The following LINGO2 variants were observed in gnomAD, a reference collection of about 807,000 sequenced individuals.
The protein encoded by LINGO2 is leucine rich repeat and Ig domain containing 2, also known as leucine-rich repeat and immunoglobulin-like domain-containing nogo receptor-interacting protein 2.
Under a neutral mutation model 30.6 loss-of-function variants are expected in LINGO2, and 14 were observed. The ratio of observed to expected loss-of-function variants is 0.46; its 90% CI spans 0.30 to 0.72. The LOEUF is 0.72. Among genes scored for constraint, LINGO2 ranks in the 30% least tolerant of loss-of-function variants. LINGO2 has a pLI of 0.07. For missense variants in LINGO2, 729 were observed against 751.7 expected, an observed-to-expected ratio of 0.97 and a Z score of 0.35; for synonymous variants, 317 against 288.5, an observed-to-expected ratio of 1.10 and a Z score of -1.00.
chr9:29,032,149 T>C, the LINGO2 span, among the ~76,000 whole-genome samples: 1 of 152,162 alleles, frequency 6.6e-6, no homozygotes, highest in Non-Finnish European at 1.5e-5. Context: ...ATTTGGTCCA[T>C]AAACATGCTT....
chr9:28,141,597 T>C (rs1827673663), intron 4 of LINGO2, among the ~76,000 whole-genome samples: 1 of 152,246 alleles, frequency 6.6e-6, no homozygotes, highest in African/African-American at 2.4e-5. Flanking sequence ...CATTAGTCTA[T>C]GCCTGTAATG....
At chr9:28,226,634 GGAAAGAAGGAAAGAAAGAAAGAAA>G (rs200367108) in intron 4 of LINGO2, among the ~76,000 whole-genome samples, 3,631 of 82,670 alleles carry the variant, frequency 0.044, 74 homozygotes, top group East Asian at 0.11. Context: ...AAGGAAAGAA[GGAAAGAAGGAAAGAAAGAAAGAAA>G]GAAAGAAAGA....
chr9:28,789,089 A>G, the LINGO2 span, among the ~76,000 whole-genome samples: 2 of 152,314 alleles, frequency 1.3e-5, no homozygotes, highest in East Asian at 3.9e-4. Context: ...TCCTGGTTTC[A>G]GATTTTGGAT....
the LINGO2 span, among the ~76,000 whole-genome samples, chr9:29,178,961 T>C: frequency 3.3e-5 from 5 of 151,438 alleles, 1 homozygote; most frequent in Middle Eastern, 0.014. Flanking sequence ...ATCCCATCTC[T>C]AAAATAATTA....
intron 4 of LINGO2, among the ~76,000 whole-genome samples, chr9:28,042,835 A>G (rs1288606711): frequency 6.6e-6 from 1 of 152,138 alleles, no homozygotes; most frequent in African/African-American, 2.4e-5. Context: ...TATTATACAA[A>G]TAAGAGTTCT....
intron 4 of LINGO2, among the ~76,000 whole-genome samples, chr9:28,060,630 A>T (rs1345258643): frequency 6.6e-6 from 1 of 152,198 alleles, no homozygotes; most frequent in Non-Finnish European, 1.5e-5. Context: ...ACGACAGGCT[A>T]ACTTTCCCTG....
chr9:28,837,603 C>A, the LINGO2 span, among the ~76,000 whole-genome samples: 1 of 143,214 alleles, frequency 7.0e-6, no homozygotes, highest in African/African-American at 2.6e-5. Flanking sequence ...GCCAAGATCG[C>A]GCCATTGCAC....
intron 4 of LINGO2, among the ~76,000 whole-genome samples, chr9:28,131,954 G>T (rs955801437): frequency 6.6e-6 from 1 of 152,086 alleles, no homozygotes; most frequent in Non-Finnish European, 1.5e-5. Flanking sequence ...TAGATTTGGG[G>T]GATCAAGGCT....
chr9:28,807,896 C>T, the LINGO2 span, among the ~76,000 whole-genome samples: 768 of 151,792 alleles, frequency 5.1e-3, 8 homozygotes, highest in African/African-American at 0.018. Context: ...ATAGTAAGAC[C>T]TCAGTAAATG....
chr9:28,390,283 G>A (rs756723651), intron 2 of LINGO2, among the ~76,000 whole-genome samples: 16 of 152,080 alleles, frequency 1.1e-4, no homozygotes, highest in Non-Finnish European at 1.6e-4. Context: ...ATTTCTTTCA[G>A]CACAAACATG....
chr9:28,857,944 T>C, the LINGO2 span, among the ~76,000 whole-genome samples: 1 of 151,950 alleles, frequency 6.6e-6, no homozygotes, highest in Non-Finnish European at 1.5e-5. Context: ...AATAGAAAAT[T>C]TAGATATCGT....
intron 5 of LINGO2, among the ~76,000 whole-genome samples, chr9:27,990,007 A>G (rs1298478177): frequency 6.6e-6 from 1 of 152,080 alleles, no homozygotes; most frequent in Admixed American, 6.6e-5. Flanking sequence ...TCAAGCCACA[A>G]GTCTGCACAG....
rs532926011 is a variant in LINGO2 at position 28,311,535 on chromosome 9, TTC to T, written c.-245-16171_-245-16170del. Among the ~76,000 whole-genome samples the T allele has an allele frequency of 4.3e-3, 655 of 152,240 alleles. 5 individuals are homozygous for T. Among genetic ancestry groups the T allele is most frequent in the Non-Finnish European group, 7.5e-3 (507 of 68,004 alleles). On this transcript the variant is annotated intron_variant, in intron 3 of 5. Coordinates refer to ENST00000379992, the Ensembl canonical transcript of LINGO2. ...TTAGAGGCCTACCCTCAGGGACGCA[TTC>T]TCTTTCTCAGGGATGTTCCTTGCTG...
intron 1 of LINGO2, among the ~76,000 whole-genome samples, chr9:28,504,845 G>A (rs978467533): frequency 6.6e-6 from 1 of 151,808 alleles, no homozygotes; most frequent in African/African-American, 2.4e-5. Context: ...AACAGTGTGG[G>A]ATAAGTGTAT....
the LINGO2 span, among the ~76,000 whole-genome samples, chr9:29,020,127 T>C: frequency 6.6e-6 from 1 of 152,214 alleles, no homozygotes; most frequent in Admixed American, 6.5e-5. Flanking sequence ...CACCTGAATG[T>C]TTAAGGTAAA....
chr9:28,296,080 T>G (rs556179214), intron 3 of LINGO2, among the ~76,000 whole-genome samples: 2 of 152,132 alleles, frequency 1.3e-5, no homozygotes, highest in African/African-American at 2.4e-5. Flanking sequence ...GACAGCTAAT[T>G]TGGGGGCAAT....
the LINGO2 span, among the ~76,000 whole-genome samples, chr9:28,692,770 A>T: frequency 6.6e-6 from 1 of 152,138 alleles, no homozygotes; most frequent in Admixed American, 6.6e-5. Context: ...TAACGAAGGT[A>T]TTGGAGTTTC....
chr9:28,004,505 C>T (rs1314681328), intron 5 of LINGO2, among the ~76,000 whole-genome samples: 1 of 152,128 alleles, frequency 6.6e-6, no homozygotes, highest in Non-Finnish European at 1.5e-5. Flanking sequence ...CAGTTTGTCA[C>T]ATAGGTTCTG....
At chr9:29,127,527 G>T in the LINGO2 span, among the ~76,000 whole-genome samples, 1 of 152,086 alleles carries the variant, frequency 6.6e-6, no homozygotes, top group Non-Finnish European at 1.5e-5. Flanking sequence ...CAGGCTTTTG[G>T]CCAGGGCTAC....
Sources: allele counts gnomAD v4.1 joint callset (sites outside exome capture counted in the v4.1 genomes callset), GRCh38; gene constraint gnomAD v4.1.1; transcripts MANE v1.5; gene names NCBI Gene and HGNC (gene_info 2026-07-23, HGNC 2026-07-21).